EI24: variants seen among roughly 807,000 people sequenced by gnomAD.
The protein encoded by EI24 is etoposide-induced protein 2.4 homolog.
Under a neutral mutation model 48.6 loss-of-function variants are expected in EI24, and 21 were observed. The ratio of observed to expected loss-of-function variants is 0.43; its 90% CI spans 0.31 to 0.62. EI24 has a LOEUF of 0.62. EI24 is among the 20% of genes least tolerant of loss of function. EI24 has a pLI of 0.10. For synonymous variants in EI24, 114 were observed against 145.5 expected (o/e 0.78, Z 1.56); for missense variants, 280 against 410.5 (o/e 0.68, Z 2.75).
chr11:125,569,535 G>A lies in EI24; in HGVS notation c.-109G>A, dbSNP rs1294816298. ...CCCCGGCGGAGCTGGCCTGCGGTGG[G>A]CTAGGGGCAGGGCCGGAGCCGCGGC... On this transcript the variant is annotated 5_prime_UTR_variant, in exon 1 of 11. Coordinates refer to ENST00000278903, the MANE Select transcript of EI24 (RefSeq NM_004879.5). 2 of 378,474 alleles carry A rather than the reference G, an allele frequency of 5.3e-6. No individual in the cohort carries two copies. The highest frequency in any genetic ancestry group is 4.2e-5 in the African/African-American group (2 of 47,702). 23.4% of individuals were successfully genotyped at this position (378,474 alleles called of 1,614,324 possible). A position where few individuals can be genotyped will look rare whatever the true frequency, so the allele number is the denominator to read the frequency against.
At chr11:125,572,715 T>A (rs1938578561) in intron 2 of EI24, 146 bp downstream of exon 2, 1 of 739,728 alleles carries the variant, frequency 1.4e-6, no homozygotes, top group South Asian at 1.8e-5. Context: ...TAGACCACAC[T>A]ACTCAAGAAA....
intron 6 of EI24, among the ~76,000 whole-genome samples, chr11:125,578,474 T>C (rs1053273820): frequency 2.7e-5 from 4 of 149,690 alleles, no homozygotes; most frequent in Non-Finnish European, 5.9e-5. Flanking sequence ...TTCTTTTTCG[T>C]TTTGGCTTTT....
Position 125,584,365 on chromosome 11 carries a change from T to C in EI24, c.*682T>C, listed in dbSNP as rs897580372. On this transcript the variant is annotated 3_prime_UTR_variant, in exon 11 of 11. Coordinates refer to ENST00000278903, the MANE Select transcript of EI24 (RefSeq NM_004879.5). ...CTTGAAGGGGAAAAAGCTATTTTCA[T>C]TGGTACATTTAAAGTCCCCCAACTA... 1.3e-5 allele frequency: 2 copies of C among 152,372 alleles called. No individual in the cohort carries two copies. Among genetic ancestry groups the C allele is most frequent in the African/African-American group, 4.8e-5 (2 of 41,344 alleles). 9.4% of individuals were successfully genotyped at this position (152,372 alleles called of 1,614,324 possible). A position where few individuals can be genotyped will look rare whatever the true frequency, so the allele number is the denominator to read the frequency against.
chr11:125,580,278 C>A, intron 8 of EI24, 74 bp downstream of exon 8: 1 of 1,099,676 alleles, frequency 9.1e-7, no homozygotes, highest in Non-Finnish European at 1.4e-6. Flanking sequence ...ACTTCTTAAA[C>A]TACTCATAGT....
chr11:125,576,219 AT>A, intron 3 of EI24, 35 bp from the exon 4 acceptor site: 1 of 1,592,808 alleles, frequency 6.3e-7, no homozygotes, highest in African/African-American at 1.3e-5. Flanking sequence ...GAAATAACTT[AT>A]GCTTTATAAA....
chr11:125,581,155 A>G, intron 8 of EI24, 56 bp from the exon 9 acceptor site: 1 of 1,061,190 alleles, frequency 9.4e-7, no homozygotes, highest in Non-Finnish European at 1.4e-6. Flanking sequence ...ATAGTTACTT[A>G]GTCACTTGAC....
rs1414171036 is a variant in EI24 at position 125,580,087 on chromosome 11, C to G, written c.562-6C>G. ...GGGATTAAGATTTTCCATATTTGTT[C>G]TTCAGGGAATGTTTGTGAGTCTCTT... On this transcript the variant is annotated splice_region_variant and splice_polypyrimidine_tract_variant and intron_variant, in intron 7 of 10. Transcript: ENST00000278903. 1 of 1,607,208 alleles carries G rather than the reference C, an allele frequency of 6.2e-7. No individual in the cohort carries two copies. The highest frequency in any genetic ancestry group is 1.7e-5 in the Admixed American group (1 of 59,982).
chr11:125,579,970 C>T lies in EI24; in HGVS notation c.562-123C>T, dbSNP rs963282743. On this transcript the variant is annotated intron_variant, in intron 7 of 10. Coordinates refer to ENST00000278903, the MANE Select transcript of EI24 (RefSeq NM_004879.5). Reference sequence around the variant, plus strand: ...TGAGTCACTGTGCCCACCCTGCACTCGGCCTTTTAGAAACTTGAGAAGCAG... The same window carrying T: ...TGAGTCACTGTGCCCACCCTGCACTTGGCCTTTTAGAAACTTGAGAAGCAG... 151 of 781,986 alleles carry T rather than the reference C, an allele frequency of 1.9e-4. 1 individual carries two copies. Among genetic ancestry groups the T allele is most frequent in the Non-Finnish European group, 1.8e-4 (80 of 447,458 alleles). The allele number at this position is 781,986 out of a possible 1,614,324, so 48.4% of individuals were successfully genotyped here.
At chr11:125,582,304 T>TA (rs1405175128) in intron 9 of EI24, 42 bp from the exon 10 acceptor site, 1 of 1,487,628 alleles carries the variant, frequency 6.7e-7, no homozygotes, top group Non-Finnish European at 9.0e-7. Flanking sequence ...TCATGTCTGT[T>TA]ATGAAGGTGA....
In EI24 at chr11:125,582,212, T is replaced by A. The variant is rs143577731; in HGVS notation, c.786-134T>A. ...CGACTCCATCTCAAAAAAAAAAATG[T>A]TTGAAATATTGAGGTTTCATCAAGC... On this transcript the variant is annotated intron_variant, in intron 9 of 10. Transcript: ENST00000278903. 458 of 812,798 alleles carry A rather than the reference T, an allele frequency of 5.6e-4. 3 individuals are homozygous for A. In the East Asian group the frequency reaches 0.011, roughly 20 times the overall value. 50.3% of individuals were successfully genotyped at this position (812,798 alleles called of 1,614,324 possible). A position where few individuals can be genotyped will look rare whatever the true frequency, so the allele number is the denominator to read the frequency against.
Position 125,583,952 on chromosome 11 carries a change from CTGTGCCTGGACTGATTGGAACACTT to C in EI24, c.*273_*297del, listed in dbSNP as rs1939120291. ...GCTATTTTCTAGCATTTGCCAGTCC[CTGTGCCTGGACTGATTGGAACACTT>C]TGTTTTTCTCCCTGTGCCATTTACC... On this transcript the variant is annotated 3_prime_UTR_variant, in exon 11 of 11. Coordinates refer to ENST00000278903, the MANE Select transcript of EI24 (RefSeq NM_004879.5). 2.1e-6 allele frequency: 1 copy of C among 481,884 alleles called. No homozygotes were observed. The highest frequency in any genetic ancestry group is 3.8e-6 in the Non-Finnish European group (1 of 263,436). 29.9% of individuals were successfully genotyped at this position (481,884 alleles called of 1,614,324 possible).
At chr11:125,583,162 G>A (rs539500344) in intron 10 of EI24, among the ~76,000 whole-genome samples, 83 of 151,968 alleles carry the variant, frequency 5.5e-4, no homozygotes, top group Non-Finnish European at 8.4e-4. Flanking sequence ...GTGCAGTGGC[G>A]TGATCTCGGC....
intron 7 of EI24, 78 bp downstream of exon 7, chr11:125,579,146 C>CA: frequency 7.2e-7 from 1 of 1,397,362 alleles, no homozygotes; most frequent in East Asian, 2.5e-5. Flanking sequence ...TTCACAAAGA[C>CA]AGAGTATTAT....
intron 6 of EI24, among the ~76,000 whole-genome samples, chr11:125,578,562 T>G (rs1330322895): frequency 1.4e-5 from 2 of 142,338 alleles, no homozygotes; most frequent in Non-Finnish European, 3.0e-5. Context: ...GCCTCCCGGG[T>G]TCAAGCAATT....
At position 125,577,483 on chromosome 11, in the gene EI24, C is replaced by T. The variant is rs746377986; in HGVS notation, c.250-21C>T. On this transcript the variant is annotated intron_variant, in intron 4 of 10. Coordinates refer to ENST00000278903, the MANE Select transcript of EI24 (RefSeq NM_004879.5). ...TTAAAGACTGGATTTTGATGTTTGC[C>T]TTGTTGCTTCTTTTCTTTAGTTCAG... 4 of 1,606,002 alleles carry T rather than the reference C, an allele frequency of 2.5e-6. No homozygotes were observed. The South Asian group carries it at 3.3e-5, about 13-fold the overall frequency.
Position 125,577,524 on chromosome 11 carries a change from T to C in EI24, c.270T>C (p.Tyr90=). ...TTTAGTTCAGTCTCCTCTTGTTTTA[T>C]CGAGTATTTATTCCTGTGCTTCAGT... ...GVFWFSLLLF[Y]RVFIPVLQSV... Residue 90 remains tyrosine (Y), a synonymous_variant, in exon 5 of 11, where the codon TAT becomes TAC. Transcript: ENST00000278903. 6.2e-7 allele frequency: 1 copy of C among 1,614,010 alleles called. No individual in the cohort carries two copies. The highest frequency in any genetic ancestry group is 8.5e-7 in the Non-Finnish European group (1 of 1,179,874).
Position 125,572,451 on chromosome 11 carries a change from T to G in EI24, c.-70-7T>G. ...ATTTGCCTCCATTATGTTCCATCTG[T>G]TTCCAGATCCTTCATGATGAGAGAT... On this transcript the variant is annotated splice_polypyrimidine_tract_variant and splice_region_variant and intron_variant, in intron 1 of 10. Coordinates refer to ENST00000278903, the MANE Select transcript of EI24 (RefSeq NM_004879.5). 4 of 1,382,260 alleles carry G rather than the reference T, an allele frequency of 2.9e-6. No individual in the cohort carries two copies. In the Admixed American group the frequency reaches 7.1e-5, roughly 25 times the overall value. The allele number at this position is 1,382,260 out of a possible 1,614,324, so 85.6% of individuals were successfully genotyped here.
chr11:125,583,681 T>C lies in EI24; in HGVS notation c.1021T>C (p.Ter341ArgextTer61). Reference sequence around the variant, plus strand: ...CAAACTGAAGGCTACTGCAGGTCACTGAGTTGCCTGCCATCCAAAGGGGAT... The same window carrying C: ...CAAACTGAAGGCTACTGCAGGTCACCGAGTTGCCTGCCATCCAAAGGGGAT... The part of the protein sequence containing the change: ...PAKLKATAGH[*>R] The change falls in exon 11 of 11, where the codon TGA (stop) becomes CGA (arginine). Residue 341 changes from the stop codon to arginine, a stop_lost. Coordinates refer to ENST00000278903, the MANE Select transcript of EI24 (RefSeq NM_004879.5). 1 of 1,611,866 alleles carries C rather than the reference T, an allele frequency of 6.2e-7. No homozygotes were observed. The highest frequency in any genetic ancestry group is 8.5e-7 in the Non-Finnish European group (1 of 1,179,030).
intron 8 of EI24, 142 bp downstream of exon 8, chr11:125,580,346 A>C: frequency 1.5e-6 from 1 of 681,892 alleles, no homozygotes; most frequent in Non-Finnish European, 2.6e-6. Context: ...GAGGGAGCTT[A>C]CCTTCGGCTT....
Sources: gnomAD v4.1 joint callset for allele counts (sites outside exome capture counted in the v4.1 genomes callset) on GRCh38, gnomAD v4.1.1 for gene constraint, MANE v1.5 for transcripts, NCBI Gene and HGNC (gene_info 2026-07-23, HGNC 2026-07-21) for gene names.